Variants in CDH18 observed in about 807,000 individuals in gnomAD.
CDH18 encodes cadherin 18, also known as cadherin-18.
CDH18 carries 31 observed loss-of-function variants against 67.9 expected under a neutral mutation model. That is an observed-to-expected ratio of 0.46 (90% confidence interval 0.34 to 0.62). CDH18 has a LOEUF of 0.62. CDH18 is among the 20% of genes least tolerant of loss of function. The probability of loss-of-function intolerance (pLI) is 0.01; values close to 1 mark genes in which losing one functional copy is unlikely to be tolerated. For synonymous variants in CDH18, 362 were observed against 347.2 expected, an observed-to-expected ratio of 1.04 and a Z score of -0.48; for missense variants, 890 against 975.5, an observed-to-expected ratio of 0.91 and a Z score of 1.17.
chr5:19,585,764 C>T lies in CDH18; in HGVS notation c.999+5293G>A, dbSNP rs575917727. Reference sequence around the variant, plus strand: ...CTTTCTCCACCACGTAGGTACTAACCTTCTCCAAGAAGACAGTGTTTTTCT... The same window carrying T: ...CTTTCTCCACCACGTAGGTACTAACTTTCTCCAAGAAGACAGTGTTTTTCT... On this transcript the variant is annotated intron_variant, in intron 7 of 12. Coordinates refer to ENST00000382275, the MANE Select transcript of CDH18 (RefSeq NM_004934.5). Among the ~76,000 whole-genome samples, 19 of 152,258 alleles carry T rather than the reference C, an allele frequency of 1.2e-4. No homozygotes were observed. The East Asian group carries it at 3.1e-3, about 25-fold the overall frequency.
At chr5:19,481,448 G>A (rs565617273) in intron 12 of CDH18, among the ~76,000 whole-genome samples, 52 of 152,216 alleles carry the variant, frequency 3.4e-4, no homozygotes, top group Non-Finnish European at 5.7e-4. Context: ...ACTCTAACAC[G>A]TACTGTGTCG....
At chr5:19,996,396 T>C (rs1321296929) in intron 2 of CDH18, among the ~76,000 whole-genome samples, 1 of 152,080 alleles carries the variant, frequency 6.6e-6, no homozygotes, top group Non-Finnish European at 1.5e-5. Flanking sequence ...AAGTTTTTGA[T>C]ATAAACAATG....
intron 5 of CDH18, among the ~76,000 whole-genome samples, chr5:19,643,925 T>C (rs1412340515): frequency 6.6e-6 from 1 of 152,172 alleles, no homozygotes; most frequent in Non-Finnish European, 1.5e-5. Context: ...TATACATACA[T>C]CAAATTATCA....
chr5:19,705,114 C>T (rs1043834367), intron 5 of CDH18, among the ~76,000 whole-genome samples: 15 of 152,162 alleles, frequency 9.9e-5, no homozygotes, highest in Admixed American at 2.0e-4. Context: ...AGCAGCTGAA[C>T]TTACTCGTAA....
intron 8 of CDH18, among the ~76,000 whole-genome samples, chr5:19,550,428 A>T (rs534823977): frequency 7.1e-6 from 1 of 141,790 alleles, no homozygotes; most frequent in East Asian, 2.1e-4. Context: ...CCCACCCCAC[A>T]ACAGTCCCCG....
At chr5:19,729,607 G>A (rs983949845) in intron 4 of CDH18, among the ~76,000 whole-genome samples, 1 of 152,164 alleles carries the variant, frequency 6.6e-6, no homozygotes, top group South Asian at 2.1e-4. Context: ...GTGAAAGGCC[G>A]AGGCGGTAAG....
chr5:19,890,783 C>T (rs190268098), intron 2 of CDH18, among the ~76,000 whole-genome samples: 34 of 151,888 alleles, frequency 2.2e-4, no homozygotes, highest in Non-Finnish European at 4.1e-4. Context: ...TTATTAGAGA[C>T]GGGGTTTCAC....
At chr5:19,772,885 T>C (rs1389112863) in intron 3 of CDH18, among the ~76,000 whole-genome samples, 1 of 152,172 alleles carries the variant, frequency 6.6e-6, no homozygotes, top group Non-Finnish European at 1.5e-5. Flanking sequence ...AAATACATTT[T>C]TGCATCTTCT....
intron 3 of CDH18, among the ~76,000 whole-genome samples, chr5:19,837,914 A>T (rs1781863039): frequency 6.6e-6 from 1 of 152,186 alleles, no homozygotes. Flanking sequence ...TCCAAAAACC[A>T]GTAATTAATC....
intron 5 of CDH18, among the ~76,000 whole-genome samples, chr5:19,633,101 C>A (rs1752647791): frequency 6.6e-6 from 1 of 152,110 alleles, no homozygotes; most frequent in Non-Finnish European, 1.5e-5. Flanking sequence ...TTTGAAAATT[C>A]CTATACATAC....
chr5:19,511,719 C>T (rs2934212), intron 10 of CDH18, among the ~76,000 whole-genome samples: 3,752 of 152,070 alleles, frequency 0.025, 169 homozygotes, highest in African/African-American at 0.085. Flanking sequence ...CACCCTGGTG[C>T]TCTTAAAATC....
chr5:20,107,609 G>C (rs1265764898), intron 2 of CDH18, among the ~76,000 whole-genome samples: 3 of 152,068 alleles, frequency 2.0e-5, no homozygotes, highest in Non-Finnish European at 2.9e-5. Flanking sequence ...TTTTCTTATA[G>C]TTCTAGTGAC....
chr5:20,268,399 G>GT (rs1745200242), intron 1 of CDH18, among the ~76,000 whole-genome samples: 1 of 151,980 alleles, frequency 6.6e-6, no homozygotes, highest in Non-Finnish European at 1.5e-5. Context: ...TCTTTCTCTT[G>GT]CCTGATTGTT....
chr5:19,562,692 A>G (rs1466833130), intron 8 of CDH18, among the ~76,000 whole-genome samples: 1 of 152,212 alleles, frequency 6.6e-6, no homozygotes, highest in African/African-American at 2.4e-5. Flanking sequence ...TGCCATCATA[A>G]GCATTTGAAA....
intron 11 of CDH18, among the ~76,000 whole-genome samples, chr5:19,499,526 A>T (rs1283469468): frequency 2.0e-5 from 3 of 152,090 alleles, no homozygotes; most frequent in Non-Finnish European, 4.4e-5. Context: ...TATATATGTC[A>T]AAACTATAAT....
intron 2 of CDH18, among the ~76,000 whole-genome samples, chr5:20,004,260 G>A (rs1561704722): frequency 6.6e-6 from 1 of 152,112 alleles, no homozygotes; most frequent in South Asian, 2.1e-4. Context: ...CCCCCCACCC[G>A]CAAGGGAACC....
At chr5:19,965,297 T>A (rs548774071) in intron 2 of CDH18, among the ~76,000 whole-genome samples, 1 of 152,316 alleles carries the variant, frequency 6.6e-6, no homozygotes, top group Admixed American at 6.5e-5. Flanking sequence ...CTTATGTGTA[T>A]ACAAGTGAAT....
intron 2 of CDH18, among the ~76,000 whole-genome samples, chr5:20,180,287 T>G (rs1004990447): frequency 6.6e-6 from 1 of 152,118 alleles, no homozygotes; most frequent in African/African-American, 2.4e-5. Flanking sequence ...ATAAACACCC[T>G]CATCTTGCCA....
intron 5 of CDH18, among the ~76,000 whole-genome samples, chr5:19,693,892 T>C (rs1365656882): frequency 1.6e-5 from 1 of 64,212 alleles, no homozygotes; most frequent in Non-Finnish European, 3.5e-5. Context: ...TGAGACTCTG[T>C]CTGAAAAAAA....
Sources: allele counts gnomAD v4.1 joint callset (sites outside exome capture counted in the v4.1 genomes callset), GRCh38; gene constraint gnomAD v4.1.1; transcripts MANE v1.5; gene names NCBI Gene and HGNC (gene_info 2026-07-23, HGNC 2026-07-21).